The following PHLPP2 variants were observed in gnomAD, a reference collection of about 807,000 sequenced individuals.
PHLPP2 encodes the protein PH domain leucine-rich repeat-containing protein phosphatase 2.
PHLPP2 carries 66 observed loss-of-function variants against 124.9 expected under a neutral mutation model. That is an observed-to-expected ratio of 0.53 (90% confidence interval 0.43 to 0.65). The LOEUF (loss-of-function observed/expected upper bound fraction) is 0.65. PHLPP2 is among the 30% of genes least tolerant of loss of function. The pLI, the probability that PHLPP2 is intolerant of heterozygous loss-of-function variation, is 0.00. For missense variants in PHLPP2, 1,685 were observed against 1,600.4 expected (o/e 1.05, Z -0.90); for synonymous variants, 681 against 624.7 (o/e 1.09, Z -1.34).
chr16:71,678,766 A>G lies in PHLPP2; in HGVS notation c.1257T>C (p.His419=). The change falls in exon 8 of 19, where the codon CAT becomes CAC. Residue 419 remains histidine, a synonymous_variant. Transcript: ENST00000568954. ...AAGAATAACCTTACCTTAAATCCAC[A>G]TGCTTGATATGGTTCATCCTATTCA... The part of the protein sequence containing the change: ...GVLNRMNHIK[H]VDLRMNHLKT... The G allele has an allele frequency of 6.3e-7, 1 of 1,576,656 alleles. No homozygotes were observed. The highest frequency in any genetic ancestry group is 8.7e-7 in the Non-Finnish European group (1 of 1,145,960).
In PHLPP2 at chr16:71,658,765, T is replaced by G. The variant is rs1321855935; in HGVS notation, c.2036A>C (p.Lys679Thr). ...QLEELNLSGN[K>T]LKTIPTTIAN... is the part of the protein sequence containing the mutation. ...TATGGTTGTGGGAATGGTTTTAAGC[T>G]TGTTGCCACTTAGGTTCAGTTCCTC... Residue 679 changes from lysine (K) to threonine (T), a missense_variant, in exon 14 of 19, where the codon AAG (lysine) becomes ACG (threonine). Transcript: ENST00000568954. 1.2e-6 allele frequency: 2 copies of G among 1,614,190 alleles called. No homozygotes were observed.
intron 3 of PHLPP2, among the ~76,000 whole-genome samples, chr16:71,694,498 A>C (rs1057252103): frequency 6.6e-6 from 1 of 152,146 alleles, no homozygotes. Flanking sequence ...CTAAACAGTG[A>C]CTAAATAAAA....
At chr16:71,669,846 G>C (rs1375843963) in intron 10 of PHLPP2, among the ~76,000 whole-genome samples, 1 of 152,214 alleles carries the variant, frequency 6.6e-6, no homozygotes, top group East Asian at 1.9e-4. Context: ...CATTTAGAAT[G>C]TGAGCTCAAA....
At position 71,650,028 on chromosome 16, in the gene PHLPP2, C is replaced by G; in HGVS notation, c.2834G>C (p.Gly945Ala). 6.2e-7 allele frequency: 1 copy of G among 1,606,844 alleles called. No individual in the cohort carries two copies. Among genetic ancestry groups the G allele is most frequent in the Admixed American group, 1.7e-5 (1 of 59,998 alleles). The change falls in exon 19 of 19, where the codon GGG (glycine) becomes GCG (alanine). Residue 945 changes from glycine to alanine, a missense_variant. By Grantham distance (60) the Gly-to-Ala change is moderately conservative. Coordinates refer to ENST00000568954, the MANE Select transcript of PHLPP2 (RefSeq NM_015020.3). ...AIITEDNKVN[G>A]VTCCTRMLGC... ...CAGCATCCGGGTACAGCAGGTTACC[C>G]CATTCACTTTGTTGTCCTACAGAAG...
At chr16:71,702,814 T>A in intron 2 of PHLPP2, 83 bp from the exon 3 acceptor site, 1 of 952,600 alleles carries the variant, frequency 1.0e-6, no homozygotes, top group Non-Finnish European at 1.5e-6. Context: ...TTTATTTGTA[T>A]AAATTTCAGG....
intron 10 of PHLPP2, among the ~76,000 whole-genome samples, chr16:71,671,155 C>T (rs1369875813): frequency 6.6e-6 from 1 of 152,044 alleles, no homozygotes; most frequent in African/African-American, 2.4e-5. Flanking sequence ...TAGTACTGAT[C>T]CATGCTGGGG....
Position 71,714,815 on chromosome 16 carries a change from A to C in PHLPP2, c.-6-14T>G. ...TTTCATATTTCTCTAAAAAATATCA[A>C]GAGAAAGAAATCGTTAGCTAGAACA... On this transcript the variant is annotated splice_polypyrimidine_tract_variant and intron_variant, in intron 1 of 18. Coordinates refer to ENST00000568954, the MANE Select transcript of PHLPP2 (RefSeq NM_015020.3). 1 of 1,603,038 alleles carries C rather than the reference A, an allele frequency of 6.2e-7. No individual in the cohort carries two copies. Among genetic ancestry groups the C allele is most frequent in the Non-Finnish European group, 8.5e-7 (1 of 1,174,360 alleles).
Position 71,714,600 on chromosome 16 carries a change from G to A in PHLPP2, c.196C>T (p.Leu66Phe). 6.2e-7 allele frequency: 1 copy of A among 1,614,078 alleles called. No individual in the cohort carries two copies. The highest frequency in any genetic ancestry group is 8.5e-7 in the Non-Finnish European group (1 of 1,179,988). ...SSSSSDLHLV[L>F]CTVETPASEI... Reference sequence around the variant, plus strand: ...GATGCTGGTGTCTCTACAGTGCAAAGGACGAGATGTAAGTCAGAGGAAGAG... The same window carrying A: ...GATGCTGGTGTCTCTACAGTGCAAAAGACGAGATGTAAGTCAGAGGAAGAG... The change falls in exon 2 of 19, where the codon CTT (leucine) becomes TTT (phenylalanine). Residue 66 changes from leucine (L) to phenylalanine (F), a missense_variant. Transcript: ENST00000568954.
chr16:71,679,418 G>C lies in PHLPP2; in HGVS notation c.1008C>G (p.Asp336Glu). Residue 336 changes from aspartate to glutamate, a missense_variant, in exon 7 of 19, where the codon GAC becomes GAG. Asp to Glu is a conservative substitution (Grantham distance 45). Coordinates refer to ENST00000568954, the MANE Select transcript of PHLPP2 (RefSeq NM_015020.3). ...ELNLSCNGFH[D>E]LPSQIGNLLN... ...GCAGATTGCCAATTTGACTTGGTAG[G>C]TCATGAAATCCATTACAGGAAAGGT... 6.2e-7 allele frequency: 1 copy of C among 1,613,744 alleles called. No homozygotes were observed. The highest frequency in any genetic ancestry group is 2.2e-5 in the East Asian group (1 of 44,860).
Position 71,645,184 on chromosome 16 carries a change from T to C in PHLPP2, c.*3706A>G, listed in dbSNP as rs1472014303. 1 of 167,464 alleles carries C rather than the reference T, an allele frequency of 6.0e-6. No homozygotes were observed. Among genetic ancestry groups the C allele is most frequent in the Non-Finnish European group, 1.3e-5 (1 of 77,928 alleles). 10.4% of individuals were successfully genotyped at this position (167,464 alleles called of 1,614,324 possible). A position where few individuals can be genotyped will look rare whatever the true frequency, so the allele number is the denominator to read the frequency against. ...AACAGTGAGAGAAAACCCTATAGCA[T>C]CTGGGAGAAGTGCATGAAATTTAGA... On this transcript the variant is annotated 3_prime_UTR_variant, in exon 19 of 19. Transcript: ENST00000568954.
chr16:71,650,072 A>T (rs1434505129), intron 18 of PHLPP2, 28 bp from the exon 19 acceptor site: 1 of 1,569,746 alleles, frequency 6.4e-7, no homozygotes, highest in African/African-American at 1.3e-5. Context: ...ACAAATTCTG[A>T]GAAACAAGCA....
At chr16:71,659,083 A>G (rs1376709182) in intron 13 of PHLPP2, among the ~76,000 whole-genome samples, 1 of 152,130 alleles carries the variant, frequency 6.6e-6, no homozygotes, top group Non-Finnish European at 1.5e-5. Context: ...TACCTAATGT[A>G]CAAAAAGTGG....
At chr16:71,655,871 C>T (rs1370384726) in intron 16 of PHLPP2, among the ~76,000 whole-genome samples, 3 of 152,124 alleles carry the variant, frequency 2.0e-5, no homozygotes, top group Non-Finnish European at 4.4e-5. Flanking sequence ...TAAGAAAAGT[C>T]CCTAGACATG....
chr16:71,650,001 C>T lies in PHLPP2; in HGVS notation c.2861G>A (p.Gly954Asp). The stretch of plus-strand genomic sequence containing the variant: ...GATCCAAGGGTAGAGGTATGTACAG[C>T]CCAGCATCCGGGTACAGCAGGTTAC... Reference protein sequence around the residue: ...NGVTCCTRMLGCTYLYPWILP... With the variant: ...NGVTCCTRMLDCTYLYPWILP... The change falls in exon 19 of 19, where the codon GGC becomes GAC. Residue 954 changes from glycine to aspartate, a missense_variant. Transcript: ENST00000568954. 6.2e-7 allele frequency: 1 copy of T among 1,612,496 alleles called. No homozygotes were observed. Among genetic ancestry groups the T allele is most frequent in the Non-Finnish European group, 8.5e-7 (1 of 1,179,988 alleles).
chr16:71,658,977 G>A (rs2044765418), intron 13 of PHLPP2, among the ~76,000 whole-genome samples, 162 bp from the exon 14 acceptor site: 2 of 152,140 alleles, frequency 1.3e-5, no homozygotes, highest in Admixed American at 6.5e-5. Flanking sequence ...AAAGGCAATG[G>A]CTCAAGAAGA....
intron 17 of PHLPP2, among the ~76,000 whole-genome samples, chr16:71,653,696 C>A (rs1228667852): frequency 6.6e-6 from 1 of 152,216 alleles, no homozygotes; most frequent in Non-Finnish European, 1.5e-5. Context: ...AAATATATAG[C>A]ATGGAAAATA....
rs1052531663 is a variant in PHLPP2 at position 71,711,331 on chromosome 16, C to CA, written c.284+3180dup. ...GGGCAACAAGAGTGAAACTCCGTCT[C>CA]AAAAAAAAAAAAAGGAATTAAGATG... On this transcript the variant is annotated intron_variant, in intron 2 of 18. Transcript: ENST00000568954. 2.4e-3 allele frequency among the ~76,000 whole-genome samples: 257 copies of CA among 106,600 alleles called. 1 individual carries two copies. Among genetic ancestry groups the CA allele is most frequent in the African/African-American group, 5.2e-3 (147 of 28,354 alleles). 69.9% of individuals were successfully genotyped at this position (106,600 alleles called of 152,430 possible).
intron 3 of PHLPP2, among the ~76,000 whole-genome samples, chr16:71,697,844 T>G (rs2045189120): frequency 1.5e-5 from 2 of 134,786 alleles, no homozygotes; most frequent in African/African-American, 2.7e-5. Context: ...GAACAGGAAG[T>G]AGGATTTTTT....
chr16:71,669,207 A>C (rs2044867712), intron 11 of PHLPP2, 68 bp downstream of exon 11: 2 of 1,135,392 alleles, frequency 1.8e-6, no homozygotes, highest in Non-Finnish European at 1.3e-6. Flanking sequence ...CAAATCTAGA[A>C]AAAAATTTAA....
Sources: allele counts gnomAD v4.1 joint callset (sites outside exome capture counted in the v4.1 genomes callset), GRCh38; gene constraint gnomAD v4.1.1; transcripts MANE v1.5; gene names NCBI Gene and HGNC (gene_info 2026-07-23, HGNC 2026-07-21).